TPO: variants seen among roughly 807,000 people sequenced by gnomAD.
TPO encodes the protein thyroid peroxidase, also known as thyroid microsomal antigen.
TPO carries 78 observed loss-of-function variants against 96.9 expected under a neutral mutation model. The observed-to-expected ratio is 0.81, with a 90% confidence interval of 0.67 to 0.97. The LOEUF (loss-of-function observed/expected upper bound fraction) is 0.97. TPO is among the 50% of genes least tolerant of loss of function. TPO has a pLI of 0.00. For missense variants in TPO, 1,252 were observed against 1,274.8 expected (o/e 0.98, Z 0.27); for synonymous variants, 547 against 538.0 (o/e 1.02, Z -0.23).
intron 15 of TPO, among the ~76,000 whole-genome samples, chr2:1,537,197 A>C: frequency 1.4e-5 from 1 of 71,406 alleles, no homozygotes; most frequent in African/African-American, 5.9e-5. Context: ...CAACCTCCCC[A>C]AATCCCCCCA....
chr2:1,495,891 G>A, intron 11 of TPO, 98 bp from the exon 12 acceptor site: 2 of 1,368,590 alleles, frequency 1.5e-6, no homozygotes, highest in South Asian at 1.2e-5. Context: ...CGCCGCAGGA[G>A]AGGCTGGCAG....
chr2:1,471,953 A>T (rs1669462738), intron 7 of TPO, among the ~76,000 whole-genome samples: 1 of 146,842 alleles, frequency 6.8e-6, no homozygotes, highest in African/African-American at 2.5e-5. Context: ...TTCATAGCAC[A>T]TGCCCTTCCC....
chr2:1,451,067 C>A (rs550297907), intron 5 of TPO, among the ~76,000 whole-genome samples: 1 of 152,172 alleles, frequency 6.6e-6, no homozygotes, highest in African/African-American at 2.4e-5. Flanking sequence ...AGCCTCCTGC[C>A]GCTGCTGACC....
Position 1,400,821 on chromosome 2 carries a change from T to C in TPO, n.180+26419T>C, listed in dbSNP as rs531258753. Among the ~76,000 whole-genome samples, 14 of 152,318 alleles carry C rather than the reference T, an allele frequency of 9.2e-5. 1 individual carries two copies. Among genetic ancestry groups the C allele is most frequent in the Admixed American group, 9.1e-4 (14 of 15,302 alleles). On this transcript the variant is annotated intron_variant and non_coding_transcript_variant, in intron 1 of 5. Coordinates refer to the TPO transcript ENST00000497517. ...CATGTCTTGTCAAGTCAGACATTAATGGGTAAGCCAAAGGGGATCTTTTTA... is the reference window on the plus strand; with the variant it reads ...CATGTCTTGTCAAGTCAGACATTAACGGGTAAGCCAAAGGGGATCTTTTTA...
intron 14 of TPO, among the ~76,000 whole-genome samples, chr2:1,514,183 G>A (rs1674448583): frequency 6.6e-6 from 1 of 152,174 alleles, no homozygotes; most frequent in African/African-American, 2.4e-5. Context: ...CAGAGAGTCA[G>A]GAAAAGAGAA....
Position 1,493,993 on chromosome 2 carries a change from G to T in TPO, c.1960G>T (p.Ala654Ser), listed in dbSNP as rs1052598450. 6.2e-7 allele frequency: 1 copy of T among 1,614,158 alleles called. No homozygotes were observed. Among genetic ancestry groups the T allele is most frequent in the Non-Finnish European group, 8.5e-7 (1 of 1,180,032 alleles). The part of the protein sequence containing the change: ...LPRARTGPLF[A>S]CLIGKQMKAL... ...CAGGGCTCGGACAGGGCCCCTGTTT[G>T]CCTGTCTCATTGGGAAGCAGATGAA... Residue 654 changes from alanine to serine, a missense_variant, in exon 11 of 17, where the codon GCC becomes TCC. Physicochemically the swap from Ala to Ser is moderately conservative, Grantham distance 99. Coordinates refer to ENST00000329066, the MANE Select transcript of TPO (RefSeq NM_001206744.2).
chr2:1,456,050 C>T, intron 6 of TPO, 26 bp from the exon 7 acceptor site: 1 of 1,610,154 alleles, frequency 6.2e-7, no homozygotes, highest in Non-Finnish European at 8.5e-7. Context: ...CTCCTATGTC[C>T]TGACCAATGG....
At position 1,487,866 on chromosome 2, in the gene TPO, A is replaced by C. The variant is rs1558349383; in HGVS notation, c.1643A>C (p.Lys548Thr). Residue 548 changes from lysine to threonine, a missense_variant, in exon 10 of 17, where the codon AAA (lysine) becomes ACA (threonine). By Grantham distance (78) the Lys-to-Thr change is moderately conservative. Coordinates refer to ENST00000329066, the MANE Select transcript of TPO (RefSeq NM_001206744.2). ...CGAGGCCTTCTTGCAAGACCAGCCA[A>C]ACTGCAGGTGCAGGATCAGCTGATG... ...LIRGLLARPA[K>T]LQVQDQLMNE... 1 of 1,614,128 alleles carries C rather than the reference A, an allele frequency of 6.2e-7. No homozygotes were observed. Among genetic ancestry groups the C allele is most frequent in the South Asian group, 1.1e-5 (1 of 91,082 alleles).
intron 15 of TPO, among the ~76,000 whole-genome samples, chr2:1,527,306 C>CCAAATCCCCTCACTGTGTAACCTCT (rs1676811709): frequency 2.2e-5 from 3 of 139,436 alleles, no homozygotes; most frequent in Admixed American, 7.2e-5. Flanking sequence ...GTGTAACCTC[C>CCAAATCCCCTCACTGTGTAACCTCT]CCAAATCCCC....
At chr2:1,421,159 T>C (rs2148427831) in intron 2 of TPO, among the ~76,000 whole-genome samples, 1 of 151,608 alleles carries the variant, frequency 6.6e-6, no homozygotes, top group African/African-American at 2.4e-5. Flanking sequence ...AGAGAGAGAG[T>C]GGCCAGAGAC....
intron 1 of TPO, among the ~76,000 whole-genome samples, chr2:1,404,681 C>T (rs1262924705): frequency 6.6e-6 from 1 of 152,150 alleles, no homozygotes; most frequent in Non-Finnish European, 1.5e-5. Context: ...TGTTTGGTCT[C>T]CAGAACTGTG....
chr2:1,531,266 A>T (rs1678149010), intron 15 of TPO, among the ~76,000 whole-genome samples: 1 of 106,348 alleles, frequency 9.4e-6, no homozygotes, highest in Non-Finnish European at 1.9e-5. Context: ...CACTGTGTGG[A>T]CCCTTCTCAA....
In TPO at chr2:1,436,349, CA is replaced by C. The variant is rs1665569087; in HGVS notation, c.450del (p.Lys150AsnfsTer59). 1 of 1,614,220 alleles carries C rather than the reference CA, an allele frequency of 6.2e-7. No individual in the cohort carries two copies. Among genetic ancestry groups the C allele is most frequent in the Non-Finnish European group, 8.5e-7 (1 of 1,180,044 alleles). On this transcript the variant is annotated frameshift_variant, in exon 5 of 17. Transcript: ENST00000329066. LOFTEE classifies it high-confidence loss of function. ...AATGCCCAAACACTTGCCTGGCGAA[CA>C]AATACAGGCCCATCACAGGAGCTTG... The part of the protein sequence containing the change: ...PKCPNTCLAN[K>X]YRPITGACNN...
At chr2:1,490,594 G>A (rs1409129940) in intron 10 of TPO, among the ~76,000 whole-genome samples, 1 of 152,176 alleles carries the variant, frequency 6.6e-6, no homozygotes, top group Non-Finnish European at 1.5e-5. Context: ...GTAGAAGGCC[G>A]GACTGCGATC....
chr2:1,513,233 G>A (rs888775017), intron 14 of TPO, among the ~76,000 whole-genome samples: 5 of 152,254 alleles, frequency 3.3e-5, no homozygotes, highest in African/African-American at 4.8e-5. Context: ...ATGAGGAAGG[G>A]TGGACACAGA....
chr2:1,484,837 G>T lies in TPO; in HGVS notation c.1580G>T (p.Trp527Leu), dbSNP rs1467149943. ...LWLHQAFFSP[W>L]TLLRGGGLDP... ...CTGCACCAGGCTTTCTTCAGCCCAT[G>T]GACATTACTCCGTGGAGGTGAGTGA... Residue 527 changes from tryptophan (W) to leucine (L), a missense_variant, in exon 9 of 17, where the codon TGG (tryptophan) becomes TTG (leucine). Transcript: ENST00000329066. 1 of 1,613,916 alleles carries T rather than the reference G, an allele frequency of 6.2e-7. No homozygotes were observed. The highest frequency in any genetic ancestry group is 2.2e-5 in the East Asian group (1 of 44,868).
At chr2:1,525,865 A>C (rs1676336420) in intron 15 of TPO, among the ~76,000 whole-genome samples, 1 of 117,300 alleles carries the variant, frequency 8.5e-6, no homozygotes, top group Non-Finnish European at 1.7e-5. Flanking sequence ...AATCCCCCAC[A>C]ATGTGTGCAA....
In TPO at chr2:1,480,932, C is replaced by A. The variant is rs141980287; in HGVS notation, c.1338+3328C>A. Among the ~76,000 whole-genome samples the A allele has an allele frequency of 6.5e-3, 971 of 150,458 alleles. 10 individuals carry two copies. Among genetic ancestry groups the A allele is most frequent in the Middle Eastern group, 0.017 (5 of 292 alleles). ...CTCCTCTAATTTCTTTTGTCGAAAG[C>A]TGAGAGCTATCCCCTCCCTCAGCCC... On this transcript the variant is annotated intron_variant, in intron 8 of 16. Coordinates refer to ENST00000329066, the MANE Select transcript of TPO (RefSeq NM_001206744.2).
intron 10 of TPO, among the ~76,000 whole-genome samples, chr2:1,488,790 C>T (rs559780666): frequency 6.6e-6 from 1 of 152,180 alleles, no homozygotes; most frequent in Non-Finnish European, 1.5e-5. Flanking sequence ...CTGGGCCTTC[C>T]TCTGTCCCCT....
Sources: allele counts gnomAD v4.1 joint callset (sites outside exome capture counted in the v4.1 genomes callset), GRCh38; gene constraint gnomAD v4.1.1; transcripts MANE v1.5; gene names NCBI Gene and HGNC (gene_info 2026-07-23, HGNC 2026-07-21).